Variants in NR3C1 observed in about 807,000 individuals in gnomAD.
NR3C1 encodes glucocorticoid receptor.
In NR3C1, 14 loss-of-function variants were observed where a neutral mutation model predicts 74.0. The observed-to-expected ratio is 0.19, with a 90% CI of 0.12 to 0.30. The LOEUF (loss-of-function observed/expected upper bound fraction) is 0.30. Ranked by LOEUF, NR3C1 falls within the 10% of genes least tolerant of loss-of-function variation. The pLI is 1.00. For missense variants in NR3C1, 695 were observed against 909.8 expected (o/e 0.76, Z 3.04); for synonymous variants, 308 against 332.5 (o/e 0.93, Z 0.80).
intron 8 of NR3C1, 136 bp downstream of exon 8, chr5:143,282,432 T>C (rs943659861): frequency 7.5e-6 from 7 of 930,792 alleles, no homozygotes; most frequent in African/African-American, 3.7e-5. Flanking sequence ...AGTTCATAAG[T>C]TGAACTCAAG....
rs35786621 is a variant in NR3C1, at chr5:143,383,492, A to T, written c.1184+16164T>A. Among the ~76,000 whole-genome samples the T allele has an allele frequency of 5.1e-3, 771 of 152,372 alleles. 3 individuals carry two copies. The highest frequency in any genetic ancestry group is 0.017 in the African/African-American group (718 of 41,584). ...AACAGTATTAATTCAACAAACATTTACTGGGTACCTACTATGTGCTAATGA... is the reference window on the plus strand; with the variant it reads ...AACAGTATTAATTCAACAAACATTTTCTGGGTACCTACTATGTGCTAATGA... On this transcript the variant is annotated intron_variant, in intron 2 of 8. Transcript: ENST00000394464.
At position 143,430,966 on chromosome 5, in the gene NR3C1, C is replaced by T. The variant is rs1399325434; in HGVS notation, c.-14+3566G>A. On this transcript the variant is annotated intron_variant, in intron 1 of 8. Coordinates refer to the NR3C1 transcript ENST00000343796. ...TATAAGTAATTCTGCTTAGGAACTT[C>T]CAGTTGACCATCAGTACCAAATAAA... Among the ~76,000 whole-genome samples, 4 of 152,278 alleles carry T rather than the reference C, an allele frequency of 2.6e-5. No homozygotes were observed. The East Asian group carries it at 5.8e-4, about 22-fold the overall frequency.
At chr5:143,405,191 G>A (rs541676070), upstream of NR3C1, 523 of 985,650 alleles carry the variant, frequency 5.3e-4, no homozygotes, top group Middle Eastern at 3.7e-3. Flanking sequence ...TCTGGGAAAG[G>A]TTGTGCTGTG....
intron 4 of NR3C1, among the ~76,000 whole-genome samples, chr5:143,309,846 C>T (rs1054931777): frequency 2.6e-5 from 4 of 152,122 alleles, no homozygotes; most frequent in African/African-American, 9.7e-5. Flanking sequence ...TACATAATTT[C>T]CTTTCTTTGT....
intron 2 of NR3C1, among the ~76,000 whole-genome samples, chr5:143,352,118 A>ACATGCACAAACACACACATG (rs1830339971): frequency 1.3e-5 from 2 of 152,288 alleles, no homozygotes; most frequent in South Asian, 4.1e-4. Flanking sequence ...ACAATCACAC[A>ACATGCACAAACACACACATG]CATGCACAAA....
intron 1 of NR3C1, among the ~76,000 whole-genome samples, chr5:143,422,113 C>T (rs998460927): frequency 6.6e-6 from 1 of 152,144 alleles, no homozygotes; most frequent in East Asian, 1.9e-4. Context: ...CCTGGCTTTT[C>T]CTCCCAAGTA....
At chr5:143,342,757 A>G (rs1394221750) in intron 2 of NR3C1, among the ~76,000 whole-genome samples, 1 of 152,220 alleles carries the variant, frequency 6.6e-6, no homozygotes, top group Non-Finnish European at 1.5e-5. Context: ...TTGTGTTTTC[A>G]TGAAGCTTCA....
intron 2 of NR3C1, among the ~76,000 whole-genome samples, chr5:143,385,415 G>C (rs1304297034): frequency 6.6e-6 from 1 of 152,162 alleles, no homozygotes; most frequent in Non-Finnish European, 1.5e-5. Flanking sequence ...CACAAGGTCA[G>C]GCTGCAAATT....
intron 2 of NR3C1, among the ~76,000 whole-genome samples, chr5:143,366,230 T>C (rs1168122747): frequency 6.6e-6 from 1 of 152,076 alleles, no homozygotes; most frequent in East Asian, 1.9e-4. Context: ...AAAGCTGGGT[T>C]GGGCACGGTA....
chr5:143,330,491 AT>A (rs1350725849), intron 2 of NR3C1, among the ~76,000 whole-genome samples: 1 of 152,218 alleles, frequency 6.6e-6, no homozygotes, highest in African/African-American at 2.4e-5. Flanking sequence ...CAGAGTTTGT[AT>A]CTTCATAAAA....
intron 2 of NR3C1, among the ~76,000 whole-genome samples, chr5:143,351,536 A>G (rs138282458): frequency 1.7e-4 from 26 of 152,332 alleles, no homozygotes; most frequent in African/African-American, 5.3e-4. Flanking sequence ...ATGAACAAAC[A>G]GCATCTGACA....
intron 5 of NR3C1, 39 bp from the exon 6 acceptor site, chr5:143,298,851 C>T (rs753986072): frequency 5.6e-6 from 9 of 1,602,994 alleles, no homozygotes; most frequent in Non-Finnish European, 7.7e-6. Context: ...CAACACTCTT[C>T]AGAAGATCAT....
intron 5 of NR3C1, among the ~76,000 whole-genome samples, chr5:143,299,516 A>G (rs538382844): frequency 3.9e-5 from 6 of 152,158 alleles, no homozygotes; most frequent in Non-Finnish European, 8.8e-5. Context: ...GTTAGAAGAA[A>G]TAAGTTTTAG....
intron 7 of NR3C1, among the ~76,000 whole-genome samples, chr5:143,285,965 C>CTGAT (rs142230797): frequency 5.8e-5 from 8 of 137,042 alleles, no homozygotes; most frequent in African/African-American, 8.3e-5. Context: ...TTTAGCCAGA[C>CTGAT]TGATTAAAAA....
chr5:143,377,421 C>T (rs1052713640), intron 2 of NR3C1, among the ~76,000 whole-genome samples: 2 of 152,230 alleles, frequency 1.3e-5, no homozygotes, highest in African/African-American at 4.8e-5. Flanking sequence ...GAAGAATCAT[C>T]TGATGATGCT....
intron 2 of NR3C1, among the ~76,000 whole-genome samples, chr5:143,347,129 C>CA (rs1321837346): frequency 6.6e-6 from 1 of 152,142 alleles, no homozygotes; most frequent in Non-Finnish European, 1.5e-5. Context: ...TAGAAAATGT[C>CA]AAATGTTCAA....
intron 2 of NR3C1, among the ~76,000 whole-genome samples, chr5:143,317,417 C>T (rs764843784): frequency 6.6e-6 from 1 of 152,138 alleles, no homozygotes; most frequent in Non-Finnish European, 1.5e-5. Context: ...AATGTGTGTT[C>T]ACTCACAGCT....
chr5:143,310,314 C>G, intron 3 of NR3C1, 101 bp from the exon 4 acceptor site: 1 of 835,602 alleles, frequency 1.2e-6, no homozygotes, highest in Non-Finnish European at 2.0e-6. Context: ...AACCAAGACA[C>G]CCACAGGTAT....
intron 1 of NR3C1, among the ~76,000 whole-genome samples, chr5:143,419,192 G>A (rs12653301): frequency 0.33 from 49,775 of 151,878 alleles, 8,502 homozygotes; most frequent in East Asian, 0.44. Context: ...CCTTCCTGTC[G>A]GAAGCATTTT....
Sources: gnomAD v4.1 joint callset for allele counts (sites outside exome capture counted in the v4.1 genomes callset) on GRCh38, gnomAD v4.1.1 for gene constraint, MANE v1.5 for transcripts, NCBI Gene and HGNC (gene_info 2026-07-23, HGNC 2026-07-21) for gene names.